The following ZMAT4 variants were observed in gnomAD, a reference collection of about 807,000 sequenced individuals.
ZMAT4 encodes the protein zinc finger matrin-type protein 4.
A neutral mutation model predicts 28.7 loss-of-function variants in ZMAT4; 17 were observed. The ratio of observed to expected loss-of-function variants is 0.59; its 90% CI spans 0.41 to 0.89. ZMAT4 has a LOEUF of 0.89. ZMAT4 is among the 40% of genes least tolerant of loss of function. The pLI, the probability that ZMAT4 is intolerant of heterozygous loss-of-function variation, is 0.00. For synonymous variants in ZMAT4, 117 were observed against 109.2 expected (o/e 1.07, Z -0.44); for missense variants, 240 against 283.8 (o/e 0.85, Z 1.11).
intron 2 of ZMAT4, among the ~76,000 whole-genome samples, chr8:40,774,618 T>A (rs1381473339): frequency 6.6e-6 from 1 of 151,750 alleles, no homozygotes; most frequent in Non-Finnish European, 1.5e-5. Context: ...AATATTGTAA[T>A]ATATCCATAT....
intron 5 of ZMAT4, among the ~76,000 whole-genome samples, chr8:40,603,605 A>G (rs1372212647): frequency 6.6e-6 from 1 of 152,034 alleles, no homozygotes; most frequent in African/African-American, 2.4e-5. Flanking sequence ...AATTTCTTTC[A>G]GCAGTGTTTT....
chr8:40,735,028 G>A (rs570740108), intron 3 of ZMAT4, among the ~76,000 whole-genome samples: 2 of 152,196 alleles, frequency 1.3e-5, no homozygotes, highest in Admixed American at 6.5e-5. Context: ...TGGCTGGTGT[G>A]AGACACAGCT....
intron 3 of ZMAT4, among the ~76,000 whole-genome samples, chr8:40,731,867 A>G (rs1811557683): frequency 6.6e-6 from 1 of 152,378 alleles, no homozygotes. Flanking sequence ...TGATGTATAC[A>G]TATAATGGAA....
intron 1 of ZMAT4, among the ~76,000 whole-genome samples, chr8:40,867,741 T>C (rs890709130): frequency 1.2e-4 from 19 of 152,308 alleles, no homozygotes; most frequent in African/African-American, 4.3e-4. Context: ...CCACCATCTG[T>C]AGGATTCCAT....
At chr8:40,819,338 C>G (rs567342682) in intron 2 of ZMAT4, among the ~76,000 whole-genome samples, 1 of 152,260 alleles carries the variant, frequency 6.6e-6, no homozygotes, top group East Asian at 1.9e-4. Context: ...CACCCATAAC[C>G]CATATCTTGA....
At chr8:40,746,569 G>A (rs898793600) in intron 3 of ZMAT4, among the ~76,000 whole-genome samples, 2 of 151,792 alleles carry the variant, frequency 1.3e-5, no homozygotes, top group African/African-American at 4.8e-5. Context: ...CACCATGCTG[G>A]CCAGGCTGGT....
intron 1 of ZMAT4, among the ~76,000 whole-genome samples, chr8:40,865,574 G>A (rs1024326832): frequency 3.3e-5 from 5 of 152,194 alleles, no homozygotes; most frequent in African/African-American, 1.2e-4. Flanking sequence ...TCTGTGCCAT[G>A]CTGCACAGCC....
chr8:40,588,514 A>C (rs879717266), intron 5 of ZMAT4, among the ~76,000 whole-genome samples: 1 of 152,122 alleles, frequency 6.6e-6, no homozygotes, highest in Non-Finnish European at 1.5e-5. Context: ...CAATAAGCAC[A>C]TGAAAAGTTT....
At position 40,802,753 on chromosome 8, in the gene ZMAT4, C is replaced by A. The variant is rs574494389; in HGVS notation, c.102+22822G>T. Among the ~76,000 whole-genome samples the A allele has an allele frequency of 7.9e-5, 12 of 152,088 alleles. No homozygotes were observed. In the South Asian group the frequency reaches 8.3e-4, roughly 11 times the overall value. On this transcript the variant is annotated intron_variant, in intron 2 of 6. Coordinates refer to ENST00000297737, the MANE Select transcript of ZMAT4 (RefSeq NM_024645.3). ...ACAGTTTAGACAGAGAGGCAAAAAACCAAAATAGCCAACTTAATATTGAAA... is the reference window on the plus strand; with the variant it reads ...ACAGTTTAGACAGAGAGGCAAAAAAACAAAATAGCCAACTTAATATTGAAA...
intron 3 of ZMAT4, among the ~76,000 whole-genome samples, chr8:40,719,996 A>C (rs1171818189): frequency 6.6e-6 from 1 of 152,164 alleles, no homozygotes; most frequent in Non-Finnish European, 1.5e-5. Context: ...AGACAATTCC[A>C]CCATGCCCTC....
intron 3 of ZMAT4, among the ~76,000 whole-genome samples, chr8:40,759,157 C>T (rs1812819614): frequency 6.6e-6 from 1 of 151,680 alleles, no homozygotes; most frequent in Non-Finnish European, 1.5e-5. Context: ...AGGTGCGGGC[C>T]TGTAATCCCA....
At chr8:40,589,975 T>C (rs62505442) in intron 5 of ZMAT4, among the ~76,000 whole-genome samples, 5,532 of 16,742 alleles carry the variant, frequency 0.33, 376 homozygotes, top group South Asian at 0.36. Flanking sequence ...CTCCCTCCCT[T>C]CCTTCCTTCC....
chr8:40,810,126 G>A (rs892314806), intron 2 of ZMAT4, among the ~76,000 whole-genome samples: 37 of 152,112 alleles, frequency 2.4e-4, no homozygotes, highest in African/African-American at 8.7e-4. Context: ...ATGTGTATAT[G>A]TATGTATATA....
chr8:40,625,287 C>T (rs546926916), intron 5 of ZMAT4, among the ~76,000 whole-genome samples: 2 of 152,052 alleles, frequency 1.3e-5, no homozygotes, highest in East Asian at 1.9e-4. Flanking sequence ...GTGAGTCTTA[C>T]ACACCCTAAG....
chr8:40,676,358 T>A (rs1203023694), intron 4 of ZMAT4, among the ~76,000 whole-genome samples: 2 of 152,200 alleles, frequency 1.3e-5, no homozygotes, highest in African/African-American at 4.8e-5. Context: ...CCAAATATTT[T>A]GGAGAAGAAA....
intron 2 of ZMAT4, among the ~76,000 whole-genome samples, chr8:40,803,245 T>C (rs536760660): frequency 6.6e-6 from 1 of 152,248 alleles, no homozygotes; most frequent in East Asian, 1.9e-4. Flanking sequence ...AAATTAAAAA[T>C]TTCTATTGTG....
At chr8:40,614,222 T>C (rs76432699) in intron 5 of ZMAT4, among the ~76,000 whole-genome samples, 154 of 152,320 alleles carry the variant, frequency 1.0e-3, no homozygotes, top group African/African-American at 3.6e-3. Flanking sequence ...AGCTCTCTTT[T>C]CTAGGAAGCC....
At chr8:40,645,941 C>G (rs1486539354) in intron 5 of ZMAT4, among the ~76,000 whole-genome samples, 2 of 152,016 alleles carry the variant, frequency 1.3e-5, no homozygotes, top group African/African-American at 4.8e-5. Flanking sequence ...TTATTTACCA[C>G]TAGAATCATA....
chr8:40,629,338 T>G (rs538294472), intron 5 of ZMAT4, among the ~76,000 whole-genome samples: 1 of 147,026 alleles, frequency 6.8e-6, no homozygotes. Flanking sequence ...TTCTTCTGAG[T>G]TTTTTTCCCC....
Sources: gnomAD v4.1 joint callset for allele counts (sites outside exome capture counted in the v4.1 genomes callset) on GRCh38, gnomAD v4.1.1 for gene constraint, MANE v1.5 for transcripts, NCBI Gene and HGNC (gene_info 2026-07-23, HGNC 2026-07-21) for gene names.